The following NKPD1 variants were observed in gnomAD, a reference collection of about 807,000 sequenced individuals.
NKPD1 encodes NTPase KAP family P-loop domain containing 1.
Under a neutral mutation model 42.2 loss-of-function variants are expected in NKPD1, and 37 were observed. The observed-to-expected ratio is 0.88, with a 90% CI of 0.67 to 1.15. The LOEUF (loss-of-function observed/expected upper bound fraction) is 1.15, where lower values mean the gene tolerates loss of function less well. NKPD1 is among the 50% of genes most tolerant of loss of function. NKPD1 has a pLI of 0.00. For synonymous variants in NKPD1, 552 were observed against 536.5 expected, an observed-to-expected ratio of 1.03 and a Z score of -0.40; for missense variants, 1,113 against 1,174.6, an observed-to-expected ratio of 0.95 and a Z score of 0.77.
In NKPD1 at chr19:45,151,990, G is replaced by A. The variant is rs2122772626; in HGVS notation, c.2447C>T (p.Pro816Leu). ...TGGACGGAAGAGCGCACAGGCCACCGGCCATAGCTTGCCCCTGTGGGCCAA... is the reference window on the plus strand; with the variant it reads ...TGGACGGAAGAGCGCACAGGCCACCAGCCATAGCTTGCCCCTGTGGGCCAA... Reference protein sequence around the residue: ...GDLAHRGKLWPVACALFRPGQ... With the variant: ...GDLAHRGKLWLVACALFRPGQ... Residue 816 changes from proline (P) to leucine (L), a missense_variant, in exon 5 of 5, where the codon CCG (proline) becomes CTG (leucine). Transcript: ENST00000686631. The A allele has an allele frequency of 1.9e-6, 3 of 1,607,504 alleles. No individual in the cohort carries two copies. Among genetic ancestry groups the A allele is most frequent in the Admixed American group, 1.7e-5 (1 of 59,734 alleles).
rs3810144 is a variant in NKPD1, at chr19:45,153,419, C to G, written c.1018G>C (p.Val340Leu). ...AGCAGCGCCAGCAGCCCCAGGCACA[C>G]GCGGCGCCGACAATGCCACTCGCTC... ...CQSEWHCRRR[V>L]CLGLLALLAA... Residue 340 changes from valine (V) to leucine (L), a missense_variant, in exon 5 of 5, where the codon GTG (valine) becomes CTG (leucine). Val to Leu is a conservative substitution (Grantham distance 32). Coordinates refer to ENST00000686631, the MANE Select transcript of NKPD1 (RefSeq NM_198478.4). 1.0e-3 allele frequency: 1,543 copies of G among 1,549,498 alleles called. 23 individuals are homozygous for G. The East Asian group carries it at 0.033, about 33-fold the overall frequency.
At chr19:45,156,475 A>G (rs1161578578) in intron 3 of NKPD1, among the ~76,000 whole-genome samples, 1 of 152,166 alleles carries the variant, frequency 6.6e-6, no homozygotes, top group African/African-American at 2.4e-5. Flanking sequence ...CTCCAGTCCC[A>G]GCCCCACCGC....
Position 45,160,133 on chromosome 19 carries a change from T to C in NKPD1, c.18A>G (p.Lys6=), listed in dbSNP as rs369799184. Residue 6 remains lysine (K), a synonymous_variant, in exon 2 of 5, where the codon AAA becomes AAG. Transcript: ENST00000686631. ...TCTGGGCATCCTTGGCGAAGTGGAC[T>C]TTGTAATGTTTGTGCATGGCAGCCG... is the stretch of plus-strand genomic sequence containing the variant. MHKHY[K]VHFAKDAQSP... is the part of the protein sequence containing the mutation. 46 of 1,304,834 alleles carry C rather than the reference T, an allele frequency of 3.5e-5. No individual in the cohort carries two copies. Among genetic ancestry groups the C allele is most frequent in the Non-Finnish European group, 4.7e-5 (46 of 988,726 alleles). 80.8% of individuals were successfully genotyped at this position (1,304,834 alleles called of 1,614,324 possible). A position where few individuals can be genotyped will look rare whatever the true frequency, so the allele number is the denominator to read the frequency against.
rs761684295 is a variant in NKPD1, at chr19:45,153,815, C to T, written c.662-40G>A. On this transcript the variant is annotated intron_variant, in intron 4 of 4. Coordinates refer to ENST00000686631, the MANE Select transcript of NKPD1 (RefSeq NM_198478.4). Reference sequence around the variant, plus strand: ...CCCGGGAGCCGCGTGAGCCGCAGACCCGCCGGGGTGGGCGGGGCCTAGTAC... The same window carrying T: ...CCCGGGAGCCGCGTGAGCCGCAGACTCGCCGGGGTGGGCGGGGCCTAGTAC... The T allele has an allele frequency of 6.5e-4, 917 of 1,410,560 alleles. 3 individuals carry two copies. Among genetic ancestry groups the T allele is most frequent in the Non-Finnish European group, 1.6e-4 (169 of 1,086,266 alleles). The allele number at this position is 1,410,560 out of a possible 1,614,324, so 87.4% of individuals were successfully genotyped here. A position where few individuals can be genotyped will look rare whatever the true frequency, so the allele number is the denominator to read the frequency against.
chr19:45,152,507 C>T lies in NKPD1; in HGVS notation c.1930G>A (p.Asp644Asn), dbSNP rs199693866. Residue 644 changes from aspartate (D) to asparagine (N), a missense_variant, in exon 5 of 5, where the codon GAC (aspartate) becomes AAC (asparagine). By Grantham distance (23) the Asp-to-Asn change is conservative. Transcript: ENST00000686631. ...TGGCGCGGCGTGGGGCCCCCAAAGT[C>T]CCCCTGCTGCTGCTGCTGCTGCAGC... is the stretch of plus-strand genomic sequence containing the variant. Reference protein sequence around the residue: ...RLLQQQQQQGDFGGPTPRQAV... With the variant: ...RLLQQQQQQGNFGGPTPRQAV... 813 of 1,566,540 alleles carry T rather than the reference C, an allele frequency of 5.2e-4. No individual in the cohort carries two copies. Among genetic ancestry groups the T allele is most frequent in the Admixed American group, 1.8e-3 (99 of 55,250 alleles).
At position 45,152,222 on chromosome 19, in the gene NKPD1, G is replaced by A; in HGVS notation, c.2215C>T (p.Leu739=). 6.2e-7 allele frequency: 1 copy of A among 1,603,558 alleles called. No homozygotes were observed. ...TCCAGGTTGACCGTGCAGCGCAGCA[G>A]GCTCTGCGCCTCGGCCACGGTGAAG... ...FPFTVAEAQS[L]LRCTVNLDHS... is the part of the protein sequence containing the mutation. The change falls in exon 5 of 5, where the codon CTG becomes TTG. Residue 739 remains leucine (L), a synonymous_variant. Coordinates refer to ENST00000686631, the MANE Select transcript of NKPD1 (RefSeq NM_198478.4).
chr19:45,152,194 T>C lies in NKPD1; in HGVS notation c.2243A>G (p.His748Arg), dbSNP rs1968794238. The change falls in exon 5 of 5, where the codon CAC (histidine) becomes CGC (arginine). Residue 748 changes from histidine (H) to arginine (R), a missense_variant. By Grantham distance (29) the His-to-Arg change is conservative. Transcript: ENST00000686631. ...SLLRCTVNLDHSIRRRMGLIR... is the reference protein window; with the variant it reads ...SLLRCTVNLDRSIRRRMGLIR... ...GAGACCCATGCGCCGGCGGATGGAG[T>C]GGTCCAGGTTGACCGTGCAGCGCAG... The C allele has an allele frequency of 6.3e-7, 1 of 1,594,284 alleles. No homozygotes were observed. Among genetic ancestry groups the C allele is most frequent in the Non-Finnish European group, 8.5e-7 (1 of 1,172,178 alleles).
chr19:45,161,705 C>A (rs1195190194), upstream of NKPD1, among the ~76,000 whole-genome samples: 1 of 152,224 alleles, frequency 6.6e-6, no homozygotes, highest in Admixed American at 6.5e-5. Flanking sequence ...TGACTGCCTC[C>A]CCACAGATGC....
At chr19:45,156,066 G>T in intron 3 of NKPD1, 150 bp from the exon 4 acceptor site, 2 of 645,402 alleles carry the variant, frequency 3.1e-6, no homozygotes, top group Non-Finnish European at 4.5e-6. Flanking sequence ...AGGTTTCTGT[G>T]GCCATCAGTG....
Position 45,159,062 on chromosome 19 carries a change from G to A in NKPD1, c.130C>T (p.Arg44Ter), listed in dbSNP as rs779577313. 28 of 1,298,772 alleles carry A rather than the reference G, an allele frequency of 2.2e-5. No individual in the cohort carries two copies. Among genetic ancestry groups the A allele is most frequent in the Middle Eastern group, 2.2e-4 (1 of 4,646 alleles). The allele number at this position is 1,298,772 out of a possible 1,614,324, so 80.5% of individuals were successfully genotyped here. ...GAAGGCCGACAGGGCCCATGGGCTC[G>A]GAGGGCCGCTGAGTCCTGGCGCCAC... ...HQWRQDSAAL[R>*]AHGPCRPSPQ... Residue 44 changes from arginine to a stop codon, truncating the protein, a stop_gained, in exon 3 of 5, where the codon CGA becomes TGA. Coordinates refer to ENST00000686631, the MANE Select transcript of NKPD1 (RefSeq NM_198478.4). LOFTEE classifies it high-confidence loss of function.
In NKPD1 at chr19:45,151,213, C is replaced by A. The variant is rs1241245505; in HGVS notation, c.*725G>T. 1 of 152,420 alleles carries A rather than the reference C, an allele frequency of 6.6e-6. No individual in the cohort carries two copies. Among genetic ancestry groups the A allele is most frequent in the Non-Finnish European group, 1.5e-5 (1 of 68,188 alleles). 9.4% of individuals were successfully genotyped at this position (152,420 alleles called of 1,614,324 possible). ...AGTGGCTTCAGTGTCAGTGACTAAC[C>A]AGTGGCCCTGGAGTGACTCGTAAGG... On this transcript the variant is annotated 3_prime_UTR_variant, in exon 5 of 5. Transcript: ENST00000686631.
intron 4 of NKPD1, 137 bp from the exon 5 acceptor site, chr19:45,153,912 C>T: frequency 1.1e-6 from 1 of 889,090 alleles, no homozygotes; most frequent in South Asian, 2.8e-5. Flanking sequence ...CGAGCCGCGG[C>T]CGCTCCTTAA....
Position 45,151,881 on chromosome 19 carries a change from CT to C in NKPD1, c.*56del, listed in dbSNP as rs888888241. 6.8e-6 allele frequency: 10 copies of C among 1,460,768 alleles called. No homozygotes were observed. Among genetic ancestry groups the C allele is most frequent in the Non-Finnish European group, 7.3e-6 (8 of 1,100,278 alleles). The allele number at this position is 1,460,768 out of a possible 1,614,324, so 90.5% of individuals were successfully genotyped here. On this transcript the variant is annotated 3_prime_UTR_variant, in exon 5 of 5. Transcript: ENST00000686631. ...TGCGGCCCCAGTCCAGCCCCCTATT[CT>C]CCCATCTGGGCAGATGGAGGAACCC... is the stretch of plus-strand genomic sequence containing the variant.
At position 45,151,078 on chromosome 19, in the gene NKPD1, A is replaced by C. The variant is rs1968767945; in HGVS notation, c.*860T>G. The C allele has an allele frequency of 6.6e-6, 1 of 150,612 alleles. No homozygotes were observed. The highest frequency in any genetic ancestry group is 2.4e-5 in the African/African-American group (1 of 41,132). 9.3% of individuals were successfully genotyped at this position (150,612 alleles called of 1,614,324 possible). A position where few individuals can be genotyped will look rare whatever the true frequency, so the allele number is the denominator to read the frequency against. On this transcript the variant is annotated 3_prime_UTR_variant, in exon 5 of 5. Coordinates refer to ENST00000686631, the MANE Select transcript of NKPD1 (RefSeq NM_198478.4). ...CCACCCCCAGCCCAGGGCTCTGCCC[A>C]GAGGGAAAGTGGGGGAGCCCTAGTG... is the stretch of plus-strand genomic sequence containing the variant.
At chr19:45,157,826 G>T (rs1348525021) in intron 3 of NKPD1, among the ~76,000 whole-genome samples, 1 of 148,496 alleles carries the variant, frequency 6.7e-6, no homozygotes, top group African/African-American at 2.5e-5. Flanking sequence ...CCGGTTTCAA[G>T]TGATTCTCGT....
chr19:45,152,649 T>C lies in NKPD1; in HGVS notation c.1788A>G (p.Arg596=). The C allele has an allele frequency of 6.4e-7, 1 of 1,553,236 alleles. No individual in the cohort carries two copies. Among genetic ancestry groups the C allele is most frequent in the South Asian group, 1.2e-5 (1 of 85,822 alleles). The change falls in exon 5 of 5, where the codon CGA becomes CGG. Residue 596 remains arginine (R), a synonymous_variant. Transcript: ENST00000686631. ...QGRIDDEAAR[R]IQEALFCLHD... Reference sequence around the variant, plus strand: ...GAAGGCAGAAGAGCGCCTCCTGGATTCGCCGCGCCGCCTCGTCGTCGATGC... The same window carrying C: ...GAAGGCAGAAGAGCGCCTCCTGGATCCGCCGCGCCGCCTCGTCGTCGATGC...
chr19:45,152,164 C>A lies in NKPD1; in HGVS notation c.2273G>T (p.Arg758Leu), dbSNP rs1275679518. ...GGGCGGCTTGAGCGCGCTGACGGCT[C>A]GGATGAGACCCATGCGCCGGCGGAT... ...HSIRRRMGLI[R>L]AVSALKPPSP... The change falls in exon 5 of 5, where the codon CGA (arginine) becomes CTA (leucine). Residue 758 changes from arginine to leucine, a missense_variant. By Grantham distance (102) the Arg-to-Leu change is moderately radical. Transcript: ENST00000686631. 6.3e-7 allele frequency: 1 copy of A among 1,596,250 alleles called. No individual in the cohort carries two copies. Among genetic ancestry groups the A allele is most frequent in the South Asian group, 1.1e-5 (1 of 89,394 alleles).
Position 45,158,055 on chromosome 19 carries a change from T to C in NKPD1, c.529+608A>G, listed in dbSNP as rs1968936680. Among the ~76,000 whole-genome samples the C allele has an allele frequency of 6.6e-6, 1 of 152,194 alleles. No individual in the cohort carries two copies. Among genetic ancestry groups the C allele is most frequent in the African/African-American group, 2.4e-5 (1 of 41,442 alleles). ...GCCACTTTTAAATTTCCATGTTTCC[T>C]GTACCTGCCCCCGGCTGCAATGCAA... On this transcript the variant is annotated intron_variant, in intron 3 of 4. Transcript: ENST00000686631. This position sits in a 1 kb window ranked among gnomAD's most constrained non-coding sequence, Gnocchi z 4.6.
chr19:45,155,869 G>T lies in NKPD1; in HGVS notation c.577C>A (p.Leu193Ile). ...DVYCSCLAKT[L>I]CHVPVPVTVG... ...GTCACAGGGACCGGCACGTGGCAGAGTGTCTTGGCCAGGCAGCTGCAGTAG... is the reference window on the plus strand; with the variant it reads ...GTCACAGGGACCGGCACGTGGCAGATTGTCTTGGCCAGGCAGCTGCAGTAG... Residue 193 changes from leucine to isoleucine, a missense_variant, in exon 4 of 5, where the codon CTC becomes ATC. Transcript: ENST00000686631. 7.7e-7 allele frequency: 1 copy of T among 1,305,418 alleles called. No individual in the cohort carries two copies. Among genetic ancestry groups the T allele is most frequent in the Non-Finnish European group, 1.0e-6 (1 of 988,920 alleles). 80.9% of individuals were successfully genotyped at this position (1,305,418 alleles called of 1,614,324 possible). A position where few individuals can be genotyped will look rare whatever the true frequency, so the allele number is the denominator to read the frequency against.
Sources: allele counts gnomAD v4.1 joint callset (sites outside exome capture counted in the v4.1 genomes callset), GRCh38; gene constraint gnomAD v4.1.1; non-coding constraint Gnocchi (gnomAD v3.1); transcripts MANE v1.5; gene names NCBI Gene and HGNC (gene_info 2026-07-23, HGNC 2026-07-21).